The following DOCK1 variants were observed in gnomAD, a reference collection of about 807,000 sequenced individuals.
DOCK1 encodes the protein dedicator of cytokinesis 1.
In DOCK1, 138 loss-of-function variants were observed where a neutral mutation model predicts 262.7. That is an observed-to-expected ratio of 0.53 (90% confidence interval 0.46 to 0.61). The LOEUF (loss-of-function observed/expected upper bound fraction) is 0.61. Ranked by LOEUF, DOCK1 falls within the 20% of genes least tolerant of loss-of-function variation. The pLI is 0.00. For synonymous variants in DOCK1, 866 were observed against 867.4 expected, an observed-to-expected ratio of 1.00 and a Z score of 0.03; for missense variants, 1,908 against 2,370.7, an observed-to-expected ratio of 0.80 and a Z score of 4.05.
At chr10:127,142,389 C>T (rs539582618) in intron 27 of DOCK1, among the ~76,000 whole-genome samples, 1 of 152,262 alleles carries the variant, frequency 6.6e-6, no homozygotes, top group South Asian at 2.1e-4. Context: ...GGTGCTGCTG[C>T]CCTCCTGCTG....
chr10:127,008,504 A>C (rs1315139170), intron 10 of DOCK1, among the ~76,000 whole-genome samples: 1 of 152,230 alleles, frequency 6.6e-6, no homozygotes. Flanking sequence ...TAATAGGCAA[A>C]GGAAATTATT....
At chr10:127,035,937 G>C (rs2135564272) in intron 18 of DOCK1, among the ~76,000 whole-genome samples, 1 of 151,958 alleles carries the variant, frequency 6.6e-6, no homozygotes, top group South Asian at 2.1e-4. Flanking sequence ...GGGAGTTAGA[G>C]GCTGCATTGA....
chr10:126,964,833 G>A (rs952015624), intron 1 of DOCK1, among the ~76,000 whole-genome samples: 7 of 152,332 alleles, frequency 4.6e-5, no homozygotes, highest in African/African-American at 1.7e-4. Flanking sequence ...CTAATATTGT[G>A]TTTCTCTTTC....
At chr10:127,213,911 C>G (rs778072116) in intron 27 of DOCK1, among the ~76,000 whole-genome samples, 6 of 152,206 alleles carry the variant, frequency 3.9e-5, no homozygotes, top group African/African-American at 1.4e-4. Flanking sequence ...GCCATCTCAG[C>G]TCACTGCAAG....
chr10:127,252,927 G>A (rs1431525776), intron 28 of DOCK1, among the ~76,000 whole-genome samples: 1 of 152,024 alleles, frequency 6.6e-6, no homozygotes, highest in Non-Finnish European at 1.5e-5. Context: ...ACTAATTCAG[G>A]TTCTCAAATT....
At chr10:127,409,206 C>G (rs1565068837) in intron 41 of DOCK1, 28 bp downstream of exon 41, 1 of 1,612,766 alleles carries the variant, frequency 6.2e-7, no homozygotes, top group Non-Finnish European at 8.5e-7. Context: ...CTCATCAACT[C>G]TGAAACCATG....
chr10:127,248,070 C>T lies in DOCK1; in HGVS notation c.2910C>T (p.His970=). ...AAATGGAAGATTACCATTATGCCCA[C>T]TTGATCAAGACTTTTGGGAAAATGA... is the stretch of plus-strand genomic sequence containing the variant. ...LRQMEDYHYA[H]LIKTFGKMRT... Residue 970 remains histidine, a synonymous_variant, in exon 28 of 52, where the codon CAC becomes CAT. Transcript: ENST00000623213. 1 of 1,614,026 alleles carries T rather than the reference C, an allele frequency of 6.2e-7. No individual in the cohort carries two copies. The highest frequency in any genetic ancestry group is 8.5e-7 in the Non-Finnish European group (1 of 1,179,896).
intron 23 of DOCK1, among the ~76,000 whole-genome samples, chr10:127,101,257 G>C (rs1266315426): frequency 1.3e-5 from 2 of 152,198 alleles, no homozygotes; most frequent in East Asian, 3.9e-4. Flanking sequence ...GGCTTGAGAA[G>C]AGCAAAGAAA....
At chr10:126,954,497 A>T (rs1241720078) in intron 1 of DOCK1, among the ~76,000 whole-genome samples, 2 of 152,198 alleles carry the variant, frequency 1.3e-5, no homozygotes, top group African/African-American at 4.8e-5. Context: ...AAACACACTG[A>T]CGTTGTTGGG....
chr10:127,069,532 G>C (rs1039505175), intron 23 of DOCK1, among the ~76,000 whole-genome samples: 1 of 152,148 alleles, frequency 6.6e-6, no homozygotes, highest in Non-Finnish European at 1.5e-5. Context: ...AGTGGAGGAG[G>C]GGGTGCACTG....
rs1591057178 is a variant in DOCK1 at position 127,437,122 on chromosome 10, G to T, written c.5061-1905G>T. On this transcript the variant is annotated intron_variant, in intron 48 of 51. Coordinates refer to ENST00000623213, the MANE Select transcript of DOCK1 (RefSeq NM_001290223.2). The surrounding 1 kb of genome is among the most constrained non-coding windows in gnomAD (Gnocchi z 4.4). ...TGATCAGATTCAGATTTGATTTAGG[G>T]ACAAGATGACTTCATAGGTACTTGT... is the stretch of plus-strand genomic sequence containing the variant. Among the ~76,000 whole-genome samples, 1 of 152,176 alleles carries T rather than the reference G, an allele frequency of 6.6e-6. No individual in the cohort carries two copies. Among genetic ancestry groups the T allele is most frequent in the African/African-American group, 2.4e-5 (1 of 41,438 alleles).
At chr10:127,447,983 G>T (rs1030737757) in intron 51 of DOCK1, among the ~76,000 whole-genome samples, 3 of 152,140 alleles carry the variant, frequency 2.0e-5, no homozygotes, top group Non-Finnish European at 4.4e-5. Context: ...CACCTGCTTG[G>T]CCCTGGAGAA....
chr10:127,090,278 C>T (rs187931718), intron 23 of DOCK1, among the ~76,000 whole-genome samples: 153 of 152,182 alleles, frequency 1.0e-3, no homozygotes, highest in African/African-American at 3.4e-3. Flanking sequence ...ATTTCAGGGC[C>T]GTGTTAACAT....
intron 23 of DOCK1, among the ~76,000 whole-genome samples, chr10:127,089,412 T>C (rs1200521359): frequency 6.6e-6 from 1 of 152,120 alleles, no homozygotes; most frequent in Non-Finnish European, 1.5e-5. Flanking sequence ...CCTTCCTTCT[T>C]TTTTTCCTTG....
intron 1 of DOCK1, among the ~76,000 whole-genome samples, chr10:126,946,978 G>A (rs2134304545): frequency 6.6e-6 from 1 of 152,320 alleles, no homozygotes; most frequent in Admixed American, 6.5e-5. Context: ...CAGTGAGAAT[G>A]CAGGTCTGAT....
intron 22 of DOCK1, among the ~76,000 whole-genome samples, chr10:127,057,132 C>T (rs752695076): frequency 3.3e-5 from 5 of 152,138 alleles, no homozygotes; most frequent in East Asian, 1.9e-4. Flanking sequence ...ATGTTTGATC[C>T]GTGACAAGCT....
rs373217093 is a variant in DOCK1, at chr10:127,086,378, C to CA, written c.2446-19848dup. 1.6e-3 allele frequency among the ~76,000 whole-genome samples: 236 copies of CA among 152,198 alleles called. 1 individual carries two copies. Among genetic ancestry groups the CA allele is most frequent in the African/African-American group, 5.4e-3 (223 of 41,524 alleles). ...CCTTATAACATTTTTATCTGAAATGCAAAAACACATTTGCTTGAAACCTCC... is the reference window on the plus strand; with the variant it reads ...CCTTATAACATTTTTATCTGAAATGCAAAAAACACATTTGCTTGAAACCTCC... On this transcript the variant is annotated intron_variant, in intron 23 of 51. Coordinates refer to ENST00000623213, the MANE Select transcript of DOCK1 (RefSeq NM_001290223.2).
chr10:127,234,930 A>G (rs1470219974), intron 27 of DOCK1, among the ~76,000 whole-genome samples: 1 of 148,298 alleles, frequency 6.7e-6, no homozygotes, highest in Non-Finnish European at 1.5e-5. Flanking sequence ...TTTATATTTT[A>G]TACATATAAA....
chr10:127,004,697 G>A (rs867661296), intron 10 of DOCK1, among the ~76,000 whole-genome samples: 2 of 150,918 alleles, frequency 1.3e-5, no homozygotes, highest in African/African-American at 2.4e-5. Context: ...CTGCAAATGA[G>A]CCATGATCGT....
Sources: gnomAD v4.1 joint callset for allele counts (sites outside exome capture counted in the v4.1 genomes callset) on GRCh38, gnomAD v4.1.1 for gene constraint, Gnocchi (gnomAD v3.1) non-coding constraint, MANE v1.5 for transcripts, NCBI Gene and HGNC (gene_info 2026-07-23, HGNC 2026-07-21) for gene names.